Variants in TTLL3 observed in about 807,000 individuals in gnomAD.
TTLL3 encodes the protein tubulin tyrosine ligase like 3.
Under a neutral mutation model 75.2 loss-of-function variants are expected in TTLL3, and 63 were observed. The ratio of observed to expected loss-of-function variants is 0.84; its 90% CI spans 0.68 to 1.03. The LOEUF is 1.03. Ranked by LOEUF, TTLL3 falls within the 50% of genes least tolerant of loss-of-function variation. The pLI, the probability that TTLL3 is intolerant of heterozygous loss-of-function variation, is 0.00. For synonymous variants in TTLL3, 393 were observed against 418.5 expected (o/e 0.94, Z 0.74); for missense variants, 997 against 1,069.9 (o/e 0.93, Z 0.95).
intron 7 of TTLL3, chr3:9,819,845 AG>A (rs944146611): frequency 2.0e-6 from 2 of 985,318 alleles, no homozygotes; most frequent in African/African-American, 1.7e-5. Flanking sequence ...TGCCAGGATA[AG>A]GGGCACAAGG....
Position 9,826,030 on chromosome 3 carries a change from G to T in TTLL3, c.1003+82G>T, listed in dbSNP as rs1559743981. 10 of 1,534,850 alleles carry T rather than the reference G, an allele frequency of 6.5e-6. No homozygotes were observed. The East Asian group carries it at 2.1e-4, about 32-fold the overall frequency. ...GAGGCCAAGGAAGTTAATAGTGCAG[G>T]TCTATTGAAGCCAAATTGCCTGGGT... On this transcript the variant is annotated intron_variant, in intron 9 of 13. Transcript: ENST00000685419.
Position 9,817,703 on chromosome 3 carries a change from CCTT to C in TTLL3, c.508_510del (p.Phe170del), listed in dbSNP as rs759180454. ...TGGTTTGATGAGGTTGATGCCAACT[CCTT>C]CTTCCCACGCTGCTACTGCCTGGGG... On this transcript the variant is annotated inframe_deletion, in exon 6 of 14. Transcript: ENST00000685419. The C allele has an allele frequency of 5.2e-5, 84 of 1,614,176 alleles. No homozygotes were observed. The highest frequency in any genetic ancestry group is 2.2e-4 in the East Asian group (10 of 44,880).
At chr3:9,828,932 G>A (rs1297525342) in intron 10 of TTLL3, 28 bp from the exon 11 acceptor site, 1 of 1,611,026 alleles carries the variant, frequency 6.2e-7, no homozygotes, top group Non-Finnish European at 8.5e-7. Context: ...CAAGGGCCTG[G>A]ACCTCAGTTT....
intron 4 of TTLL3, among the ~76,000 whole-genome samples, chr3:9,813,994 G>A (rs531792510): frequency 6.6e-6 from 1 of 152,088 alleles, no homozygotes; most frequent in African/African-American, 2.4e-5. Flanking sequence ...CAGGAAGGAA[G>A]GTCTTAAAAA....
chr3:9,827,734 C>G (rs955270715), intron 10 of TTLL3: 1 of 165,032 alleles, frequency 6.1e-6, no homozygotes, highest in African/African-American at 2.4e-5. Flanking sequence ...ATGCACTGTT[C>G]TGGGCACTTG....
intron 8 of TTLL3, chr3:9,821,042 G>T (rs1458840674): frequency 1.9e-5 from 7 of 378,052 alleles, no homozygotes; most frequent in East Asian, 4.7e-5. Context: ...TATGAAAAAA[G>T]GGCTTTTGTG....
Position 9,835,476 on chromosome 3 carries a change from C to G in TTLL3, c.2435C>G (p.Thr812Arg), listed in dbSNP as rs758446026. Reference protein sequence around the residue: ...DGARPCTPGSTARA With the variant: ...DGARPCTPGSRARA ...GCGAGGCCGTGTACCCCAGGGTCCA[C>G]AGCAAGAGCCTGAGGCCATCAGCAG... The change falls in exon 14 of 14, where the codon ACA becomes AGA. Residue 812 changes from threonine (T) to arginine (R), a missense_variant. Coordinates refer to ENST00000685419, the MANE Select transcript of TTLL3 (RefSeq NM_001387446.1). The G allele has an allele frequency of 6.3e-7, 1 of 1,596,588 alleles. No individual in the cohort carries two copies. The highest frequency in any genetic ancestry group is 1.3e-5 in the African/African-American group (1 of 74,300).
In TTLL3 at chr3:9,816,130, G is replaced by T. The variant is rs1250490182; in HGVS notation, c.372G>T (p.Val124=). The T allele has an allele frequency of 3.0e-6, 4 of 1,350,358 alleles. No homozygotes were observed. In the Admixed American group the frequency reaches 8.0e-5, roughly 27 times the overall value. 83.6% of individuals were successfully genotyped at this position (1,350,358 alleles called of 1,614,324 possible). A position where few individuals can be genotyped will look rare whatever the true frequency, so the allele number is the denominator to read the frequency against. ...PYFIWTTRRD[V]LDCRFLSKDQ... ...TCATCTGGACCACTCGGCGGGATGT[G>T]CTCGACTGTCGCTTCCTCTCCAAGG... is the stretch of plus-strand genomic sequence containing the variant. The change falls in exon 5 of 14, where the codon GTG becomes GTT. Residue 124 remains valine, a synonymous_variant. Transcript: ENST00000685419.
intron 10 of TTLL3, chr3:9,828,176 G>A (rs796888997): frequency 3.2e-4 from 49 of 151,062 alleles, no homozygotes; most frequent in African/African-American, 1.1e-3. Flanking sequence ...TATATTTGTC[G>A]TTGGGGGAAA....
At position 9,813,023 on chromosome 3, in the gene TTLL3, G is replaced by A; in HGVS notation, c.129G>A (p.Lys43=). The A allele has an allele frequency of 6.3e-7, 1 of 1,584,490 alleles. No individual in the cohort carries two copies. The highest frequency in any genetic ancestry group is 8.6e-7 in the Non-Finnish European group (1 of 1,163,158). Residue 43 remains lysine, a synonymous_variant, in exon 3 of 14, where the codon AAG becomes AAA. Transcript: ENST00000685419. ...LLRRRGWVEK[K]MVHRSGPTLL... is the part of the protein sequence containing the mutation. Reference sequence around the variant, plus strand: ...GCCGGAGGGGCTGGGTGGAGAAGAAGATGGTCCATCGCTCAGGCCCCACCC... The same window carrying A: ...GCCGGAGGGGCTGGGTGGAGAAGAAAATGGTCCATCGCTCAGGCCCCACCC...
At chr3:9,813,548 G>C (rs1242099353) in intron 4 of TTLL3, among the ~76,000 whole-genome samples, 1 of 152,228 alleles carries the variant, frequency 6.6e-6, no homozygotes, top group Admixed American at 6.5e-5. Context: ...AGGAGGCCAA[G>C]GTGGGAGGAT....
At position 9,823,392 on chromosome 3, in the gene TTLL3, C is replaced by T. The variant is rs971048912; in HGVS notation, c.855-2408C>T. Among the ~76,000 whole-genome samples the T allele has an allele frequency of 2.2e-5, 3 of 135,386 alleles. No individual in the cohort carries two copies. The South Asian group carries it at 7.1e-4, about 32-fold the overall frequency. 88.8% of individuals were successfully genotyped at this position (135,386 alleles called of 152,430 possible). On this transcript the variant is annotated intron_variant, in intron 8 of 13. Coordinates refer to ENST00000685419, the MANE Select transcript of TTLL3 (RefSeq NM_001387446.1). ...GAGCGAGACTGTCTCAAAGAAAAAA[C>T]AAACAGCCAGTTTTTTTTTTTTTTT...
At chr3:9,823,446 A>G (rs535542874) in intron 8 of TTLL3, among the ~76,000 whole-genome samples, 2 of 149,642 alleles carry the variant, frequency 1.3e-5, no homozygotes, top group East Asian at 3.9e-4. Flanking sequence ...TTAAGAACTA[A>G]GCCAGCCAGG....
rs555536515 is a variant in TTLL3 at position 9,835,409 on chromosome 3, G to T, written c.2368G>T (p.Gly790Trp). ...PNKKKQVKYLGLDSIAVGGSR... is the reference protein window; with the variant it reads ...PNKKKQVKYLWLDSIAVGGSR... ...TAAAAAGAAACAAGTGAAGTATTTG[G>T]GGCTTGACTCCATTGCTGTTGGAGG... The change falls in exon 14 of 14, where the codon GGG becomes TGG. Residue 790 changes from glycine to tryptophan, a missense_variant. Coordinates refer to ENST00000685419, the MANE Select transcript of TTLL3 (RefSeq NM_001387446.1). 5 of 1,613,418 alleles carry T rather than the reference G, an allele frequency of 3.1e-6. No homozygotes were observed. In the African/African-American group the frequency reaches 6.7e-5, roughly 22 times the overall value.
intron 8 of TTLL3, among the ~76,000 whole-genome samples, chr3:9,823,305 A>G (rs2124882551): frequency 6.6e-6 from 1 of 151,852 alleles, no homozygotes; most frequent in South Asian, 2.1e-4. Context: ...AATGGCGTGA[A>G]CCCAGAAGGC....
intron 11 of TTLL3, among the ~76,000 whole-genome samples, chr3:9,832,080 A>ATTTTTTT (rs34646268): frequency 1.9e-4 from 16 of 84,818 alleles, no homozygotes; most frequent in Non-Finnish European, 2.8e-4. Flanking sequence ...CAATAGCTGC[A>ATTTTTTT]TTTTTTTTTT....
At chr3:9,814,176 A>G (rs528600057) in intron 4 of TTLL3, among the ~76,000 whole-genome samples, 1 of 151,862 alleles carries the variant, frequency 6.6e-6, no homozygotes, top group African/African-American at 2.4e-5. Flanking sequence ...AAATAACAAC[A>G]ACAACAAAAA....
In TTLL3 at chr3:9,835,454, A is replaced by G; in HGVS notation, c.2413A>G (p.Arg805Gly). 1 of 1,609,682 alleles carries G rather than the reference A, an allele frequency of 6.2e-7. No individual in the cohort carries two copies. The highest frequency in any genetic ancestry group is 8.5e-7 in the Non-Finnish European group (1 of 1,178,678). Reference sequence around the variant, plus strand: ...TGGAGGGTCAAGAGTGGATGGGGCGAGGCCGTGTACCCCAGGGTCCACAGC... The same window carrying G: ...TGGAGGGTCAAGAGTGGATGGGGCGGGGCCGTGTACCCCAGGGTCCACAGC... ...AVGGSRVDGA[R>G]PCTPGSTARA Residue 805 changes from arginine to glycine, a missense_variant, in exon 14 of 14, where the codon AGG becomes GGG. Transcript: ENST00000685419.
rs146968287 is a variant in TTLL3, at chr3:9,829,212, C to A, written c.1500C>A (p.Phe500Leu). The change falls in exon 11 of 14, where the codon TTC becomes TTA. Residue 500 changes from phenylalanine (F) to leucine (L), a missense_variant. Transcript: ENST00000685419. The stretch of plus-strand genomic sequence containing the variant: ...GCTTTGAGCTCTATGGCGCTGACTT[C>A]GTGTTCGGGGAGGACTTCCAGCCCT... Reference protein sequence around the residue: ...KASFELYGADFVFGEDFQPWL... With the variant: ...KASFELYGADLVFGEDFQPWL... The A allele has an allele frequency of 6.2e-7, 1 of 1,614,204 alleles. No individual in the cohort carries two copies. The highest frequency in any genetic ancestry group is 1.1e-5 in the South Asian group (1 of 91,086).
Sources: allele counts gnomAD v4.1 joint callset (sites outside exome capture counted in the v4.1 genomes callset), GRCh38; gene constraint gnomAD v4.1.1; transcripts MANE v1.5; gene names NCBI Gene and HGNC (gene_info 2026-07-23, HGNC 2026-07-21).